The following ANKRD18B variants were observed in gnomAD, a reference collection of about 807,000 sequenced individuals.
ANKRD18B encodes ankyrin repeat domain 18B, also known as ankyrin repeat domain-containing protein 18B.
In ANKRD18B, 75 loss-of-function variants were observed where a neutral mutation model predicts 111.8. That is an observed-to-expected ratio of 0.67 (90% CI 0.56 to 0.81). The LOEUF is 0.81. Ranked by LOEUF, ANKRD18B falls within the 40% of genes least tolerant of loss-of-function variation. The pLI is 0.00. For synonymous variants in ANKRD18B, 356 were observed against 417.3 expected (o/e 0.85, Z 1.79); for missense variants, 1,038 against 1,225.5 (o/e 0.85, Z 2.28).
chr9:33,536,627 C>T lies in ANKRD18B; in HGVS notation c.741-251C>T, dbSNP rs1828205828. ...ACTTACTGTGAATGCAGGACAGTTTCCAGGCTGTTAAGCTAACTAGAATTA... is the reference window on the plus strand; with the variant it reads ...ACTTACTGTGAATGCAGGACAGTTTTCAGGCTGTTAAGCTAACTAGAATTA... On this transcript the variant is annotated intron_variant, in intron 5 of 18. Coordinates refer to ENST00000684830, the MANE Select transcript of ANKRD18B (RefSeq NM_001393611.1). Among the ~76,000 whole-genome samples the T allele has an allele frequency of 2.0e-5, 3 of 152,138 alleles. No individual in the cohort carries two copies. In the South Asian group the frequency reaches 6.2e-4, roughly 32 times the overall value.
rs1040546167 is a variant in ANKRD18B, at chr9:33,548,416, T to C, written c.1628T>C (p.Leu543Pro). 5 of 1,551,098 alleles carry C rather than the reference T, an allele frequency of 3.2e-6. No homozygotes were observed. The African/African-American group carries it at 6.8e-5, about 21-fold the overall frequency. ...CAACTAACAGATAAGAATGAGTTGC[T>C]TACTGAACAGGTCCATAAAGCTCGG... ...ISQLTDKNELLTEQVHKARVK... is the reference protein window; with the variant it reads ...ISQLTDKNELPTEQVHKARVK... Residue 543 changes from leucine (L) to proline (P), a missense_variant, in exon 11 of 19, where the codon CTT becomes CCT. By Grantham distance (98) the Leu-to-Pro change is moderately conservative. Coordinates refer to ENST00000684830, the MANE Select transcript of ANKRD18B (RefSeq NM_001393611.1).
chr9:33,568,847 C>T lies in ANKRD18B; in HGVS notation c.3131C>T (p.Thr1044Ile), dbSNP rs771435727. Residue 1044 changes from threonine (T) to isoleucine (I), a missense_variant, in exon 17 of 19, where the codon ACT (threonine) becomes ATT (isoleucine). This residue lies in a region of ANKRD18B where 524 missense variants were observed against 677.9 expected (regional missense o/e 0.77). Transcript: ENST00000684830. ...YIPKMAIRIP[T>I]SNPQTSNNCK... The stretch of plus-strand genomic sequence containing the variant: ...CCCAAAATGGCCATAAGAATTCCTA[C>T]TTCAAACCCACAGACTTCAAATAAC... 152 of 1,551,310 alleles carry T rather than the reference C, an allele frequency of 9.8e-5. No homozygotes were observed. The highest frequency in any genetic ancestry group is 1.2e-4 in the Non-Finnish European group (133 of 1,146,770).
chr9:33,528,839 A>C lies in ANKRD18B; in HGVS notation c.319A>C (p.Lys107Gln). 1.2e-6 allele frequency: 2 copies of C among 1,604,230 alleles called. No homozygotes were observed. The highest frequency in any genetic ancestry group is 1.1e-5 in the South Asian group (1 of 89,864). The change falls in exon 2 of 19, where the codon AAG becomes CAG. Residue 107 changes from lysine to glutamine, a missense_variant and splice_region_variant. Lys to Gln is a moderately conservative substitution (Grantham distance 53, BLOSUM62 1). Coordinates refer to ENST00000684830, the MANE Select transcript of ANKRD18B (RefSeq NM_001393611.1). ...CDRLNRTPLMKAVHCQEEACA... is the reference protein window; with the variant it reads ...CDRLNRTPLMQAVHCQEEACA... ...CAGACTAAACAGGACACCTTTAATGAAGGTATATAGTAGCCAACTCAGCAT... is the reference window on the plus strand; with the variant it reads ...CAGACTAAACAGGACACCTTTAATGCAGGTATATAGTAGCCAACTCAGCAT...
At chr9:33,538,433 T>C (rs888767302) in intron 6 of ANKRD18B, among the ~76,000 whole-genome samples, 1 of 152,130 alleles carries the variant, frequency 6.6e-6, no homozygotes, top group Non-Finnish European at 1.5e-5. Flanking sequence ...AGTAATTTTA[T>C]TGGAACAAGA....
rs1587255334 is a variant in ANKRD18B at position 33,528,707 on chromosome 9, A to T, written c.207-20A>T. On this transcript the variant is annotated intron_variant, in intron 1 of 18. Transcript: ENST00000684830. ...GAGATATTGCACTACATTTCCTGAA[A>T]ACCCCTCTCGCTCTCCTAGGACTGT... 1 of 1,559,502 alleles carries T rather than the reference A, an allele frequency of 6.4e-7. No homozygotes were observed.
At chr9:33,570,595 G>A (rs531961663) in intron 17 of ANKRD18B, among the ~76,000 whole-genome samples, 1 of 151,574 alleles carries the variant, frequency 6.6e-6, no homozygotes, top group Middle Eastern at 3.4e-3. Context: ...GAATTTCAAA[G>A]CAATGCATTC....
intron 5 of ANKRD18B, among the ~76,000 whole-genome samples, chr9:33,536,450 T>C (rs1828202985): frequency 6.6e-6 from 1 of 152,242 alleles, no homozygotes; most frequent in African/African-American, 2.4e-5. Context: ...TGCTTTACTA[T>C]TTCTCTGAAC....
chr9:33,574,693 G>A, downstream of ANKRD18B: 1 of 152,802 alleles, frequency 6.5e-6, no homozygotes, highest in Non-Finnish European at 1.5e-5. Flanking sequence ...TGTGAGTGGA[G>A]CAGCTAGGCC....
intron 12 of ANKRD18B, 145 bp downstream of exon 12, chr9:33,550,724 A>C: frequency 2.3e-6 from 2 of 883,120 alleles, no homozygotes; most frequent in Non-Finnish European, 3.1e-6. Context: ...TTATCTTTAT[A>C]ACGTACTTCT....
At chr9:33,556,931 C>T (rs1828535904) in intron 13 of ANKRD18B, among the ~76,000 whole-genome samples, 2 of 151,762 alleles carry the variant, frequency 1.3e-5, no homozygotes, top group Admixed American at 6.6e-5. Context: ...AAAAGTATAA[C>T]CTAAAGAAAA....
Position 33,568,912 on chromosome 9 carries a change from T to C in ANKRD18B, c.3177+19T>C. On this transcript the variant is annotated intron_variant, in intron 17 of 18. Coordinates refer to ENST00000684830, the MANE Select transcript of ANKRD18B (RefSeq NM_001393611.1). ...GACTGAGGTTAGTTATATGACCATT[T>C]CTCTTTTGGGTTTCATTTCTCTAAT... 2 of 1,511,292 alleles carry C rather than the reference T, an allele frequency of 1.3e-6. No individual in the cohort carries two copies. The highest frequency in any genetic ancestry group is 2.0e-4 in the Middle Eastern group (1 of 5,036). 93.6% of individuals were successfully genotyped at this position (1,511,292 alleles called of 1,614,324 possible). A position where few individuals can be genotyped will look rare whatever the true frequency, so the allele number is the denominator to read the frequency against.
chr9:33,536,825 T>G (rs1393682553), intron 5 of ANKRD18B, 53 bp from the exon 6 acceptor site: 33 of 1,132,754 alleles, frequency 2.9e-5, no homozygotes, highest in Non-Finnish European at 3.8e-5. Flanking sequence ...GTTTGGTAAA[T>G]ATTTTTCATA....
Position 33,533,456 on chromosome 9 carries a change from T to C in ANKRD18B, c.513T>C (p.Leu171=), listed in dbSNP as rs1193514588. 2 of 1,529,278 alleles carry C rather than the reference T, an allele frequency of 1.3e-6. No homozygotes were observed. The highest frequency in any genetic ancestry group is 4.9e-5 in the East Asian group (2 of 40,706). The allele number at this position is 1,529,278 out of a possible 1,614,324, so 94.7% of individuals were successfully genotyped here. A position where few individuals can be genotyped will look rare whatever the true frequency, so the allele number is the denominator to read the frequency against. The change falls in exon 4 of 19, where the codon CTT becomes CTC. Residue 171 remains leucine (L), a synonymous_variant. Transcript: ENST00000684830. ...EALNKEGNTP[L]LFAINSRRQH... is the part of the protein sequence containing the mutation. The stretch of plus-strand genomic sequence containing the variant: ...TCTTACAGGAGGGAAACACTCCACT[T>C]TTGTTTGCTATAAATTCCAGGAGAC...
chr9:33,567,992 A>G (rs57766412), intron 16 of ANKRD18B, among the ~76,000 whole-genome samples: 2,555 of 152,268 alleles, frequency 0.017, 49 homozygotes, highest in African/African-American at 0.047. Context: ...CCTTGGTCAC[A>G]GTGTTGAGGG....
intron 10 of ANKRD18B, among the ~76,000 whole-genome samples, chr9:33,546,774 C>T (rs916957225): frequency 2.0e-5 from 3 of 152,062 alleles, no homozygotes; most frequent in African/African-American, 7.2e-5. Flanking sequence ...GGGTGAGTTA[C>T]TTAATATTTC....
intron 13 of ANKRD18B, 77 bp from the exon 14 acceptor site, chr9:33,557,981 A>C: frequency 9.9e-6 from 13 of 1,306,536 alleles, no homozygotes; most frequent in Non-Finnish European, 1.4e-5. Context: ...ATATGCCATA[A>C]CATAGTATCT....
intron 15 of ANKRD18B, 117 bp from the exon 16 acceptor site, chr9:33,566,986 C>G: frequency 1.0e-6 from 1 of 960,390 alleles, no homozygotes; most frequent in South Asian, 1.9e-5. Flanking sequence ...AAGCTTCAGC[C>G]TCTTTTTAAC....
chr9:33,535,515 C>T (rs1159954913), intron 5 of ANKRD18B, among the ~76,000 whole-genome samples: 1 of 151,684 alleles, frequency 6.6e-6, no homozygotes, highest in African/African-American at 2.4e-5. Context: ...TCTCGATCTC[C>T]TGACCTTGTG....
rs1828682815 is a variant in ANKRD18B at position 33,566,327 on chromosome 9, G to A, written c.2569G>A (p.Glu857Lys). The A allele has an allele frequency of 6.4e-7, 1 of 1,564,532 alleles. No individual in the cohort carries two copies. Among genetic ancestry groups the A allele is most frequent in the Non-Finnish European group, 8.7e-7 (1 of 1,151,852 alleles). The change falls in exon 15 of 19, where the codon GAG (glutamate) becomes AAG (lysine). Residue 857 changes from glutamate to lysine, a missense_variant. Physicochemically the swap from Glu to Lys is moderately conservative, Grantham distance 56. Coordinates refer to ENST00000684830, the MANE Select transcript of ANKRD18B (RefSeq NM_001393611.1). ...QELLSMGKVQ[E>K]KCEKLEKDKK... ...GTTATTATCTATGGGAAAAGTACAA[G>A]AGAAATGTGAAAAACTTGAGAAGGA...
Sources: allele counts gnomAD v4.1 joint callset (sites outside exome capture counted in the v4.1 genomes callset), GRCh38; gene constraint gnomAD v4.1.1; regional missense constraint gnomAD v4.1.1; transcripts MANE v1.5; gene names NCBI Gene and HGNC (gene_info 2026-07-23, HGNC 2026-07-21).